The following TARBP1 variants were observed in gnomAD, a reference collection of about 807,000 sequenced individuals.
TARBP1 encodes the protein tRNA (guanosine(18)-2'-O)-methyltransferase TARBP1.
Under a neutral mutation model 178.6 loss-of-function variants are expected in TARBP1, and 144 were observed. That is an observed-to-expected ratio of 0.81 (90% CI 0.70 to 0.93). The LOEUF is 0.93. TARBP1 is among the 40% of genes least tolerant of loss of function. TARBP1 has a pLI of 0.00. For missense variants in TARBP1, 2,067 were observed against 2,011.7 expected (o/e 1.03, Z -0.53); for synonymous variants, 787 against 781.0 (o/e 1.01, Z -0.13).
At position 234,460,047 on chromosome 1, in the gene TARBP1, A is replaced by G. The variant is rs551439234; in HGVS notation, c.1535+214T>C. On this transcript the variant is annotated intron_variant, in intron 7 of 29. Transcript: ENST00000040877. ...AATTCAACAGCACATACTTCAGTACACATTTAAACTAGTAATTTGTAAAAC... is the reference window on the plus strand; with the variant it reads ...AATTCAACAGCACATACTTCAGTACGCATTTAAACTAGTAATTTGTAAAAC... Among the ~76,000 whole-genome samples, 208 of 152,348 alleles carry G rather than the reference A, an allele frequency of 1.4e-3. 1 individual carries two copies. In the Middle Eastern group the frequency reaches 0.027, roughly 20 times the overall value.
intron 19 of TARBP1, among the ~76,000 whole-genome samples, chr1:234,426,109 G>A (rs1442188365): frequency 1.3e-5 from 2 of 152,108 alleles, no homozygotes; most frequent in African/African-American, 4.8e-5. Flanking sequence ...CACAGCTCAT[G>A]AGCCTATCCC....
At position 234,448,351 on chromosome 1, in the gene TARBP1, T is replaced by C. The variant is rs1440928413; in HGVS notation, c.1961+129A>G. On this transcript the variant is annotated intron_variant, in intron 11 of 29. Coordinates refer to ENST00000040877, the MANE Select transcript of TARBP1 (RefSeq NM_005646.4). ...TTTAAACATTTCTTCAGTATACTGT[T>C]AATGTTCTAGTACCTTCCTTGACAC... 5 of 698,732 alleles carry C rather than the reference T, an allele frequency of 7.2e-6. No homozygotes were observed. In the African/African-American group the frequency reaches 8.9e-5, roughly 12 times the overall value. 43.3% of individuals were successfully genotyped at this position (698,732 alleles called of 1,614,324 possible). A position where few individuals can be genotyped will look rare whatever the true frequency, so the allele number is the denominator to read the frequency against.
In TARBP1 at chr1:234,392,521, T is replaced by G; in HGVS notation, c.4592A>C (p.Gln1531Pro). 1 of 1,614,096 alleles carries G rather than the reference T, an allele frequency of 6.2e-7. No individual in the cohort carries two copies. The highest frequency in any genetic ancestry group is 8.5e-7 in the Non-Finnish European group (1 of 1,179,956). The change falls in exon 29 of 30, where the codon CAG (glutamine) becomes CCG (proline). Residue 1531 changes from glutamine (Q) to proline (P), a missense_variant. Gln to Pro is a moderately conservative substitution (Grantham distance 76, BLOSUM62 -1). Coordinates refer to ENST00000040877, the MANE Select transcript of TARBP1 (RefSeq NM_005646.4). ...GGTATAACCTTCTGTTTTCTTCTGCTGCAGATAATCAATTAGCTGAGGTGG... is the reference window on the plus strand; with the variant it reads ...GGTATAACCTTCTGTTTTCTTCTGCGGCAGATAATCAATTAGCTGAGGTGG... ...VKPPQLIDYL[Q>P]QKKTEGYTII...
intron 13 of TARBP1, 29 bp from the exon 14 acceptor site, chr1:234,433,600 TAC>T: frequency 6.3e-7 from 1 of 1,584,426 alleles, no homozygotes; most frequent in Non-Finnish European, 8.5e-7. Flanking sequence ...CACTTAAGGG[TAC>T]AAGCAAGGTC....
At chr1:234,402,067 G>A (rs1660727135) in intron 24 of TARBP1, among the ~76,000 whole-genome samples, 2 of 151,926 alleles carry the variant, frequency 1.3e-5, no homozygotes, top group Non-Finnish European at 2.9e-5. Context: ...CTTTCCTTCA[G>A]CCTTTTCAAA....
chr1:234,475,657 C>T (rs976707605), intron 1 of TARBP1, among the ~76,000 whole-genome samples: 5 of 152,212 alleles, frequency 3.3e-5, no homozygotes, highest in African/African-American at 9.6e-5. Flanking sequence ...GGAATGCTGA[C>T]GCTCAGACAC....
chr1:234,453,758 A>C (rs1216831407), intron 9 of TARBP1, among the ~76,000 whole-genome samples: 1 of 152,190 alleles, frequency 6.6e-6, no homozygotes, highest in Non-Finnish European at 1.5e-5. Flanking sequence ...TCAAACAAAA[A>C]AAGAATTGAA....
intron 23 of TARBP1, 100 bp from the exon 24 acceptor site, chr1:234,406,199 T>A: frequency 1.8e-6 from 2 of 1,085,432 alleles, no homozygotes; most frequent in Non-Finnish European, 2.6e-6. Context: ...CAACTGCTCC[T>A]AGTAAAACTT....
intron 2 of TARBP1, among the ~76,000 whole-genome samples, chr1:234,471,647 C>T (rs985474108): frequency 2.0e-5 from 3 of 152,212 alleles, no homozygotes; most frequent in Admixed American, 6.5e-5. Context: ...ACGGCCAGTT[C>T]GGAGTTCCAT....
chr1:234,464,655 CAG>C (rs1244428244), intron 5 of TARBP1, among the ~76,000 whole-genome samples: 1 of 152,128 alleles, frequency 6.6e-6, no homozygotes, highest in Non-Finnish European at 1.5e-5. Flanking sequence ...TATTATTAAA[CAG>C]GACTAAATAT....
intron 20 of TARBP1, 25 bp downstream of exon 20, chr1:234,425,648 A>G (rs1558186227): frequency 6.2e-7 from 1 of 1,603,732 alleles, no homozygotes; most frequent in Non-Finnish European, 8.5e-7. Flanking sequence ...AAAAACAAAG[A>G]TAATTTAAAG....
At chr1:234,423,953 C>T (rs1380732803) in intron 20 of TARBP1, among the ~76,000 whole-genome samples, 1 of 151,972 alleles carries the variant, frequency 6.6e-6, no homozygotes, top group Admixed American at 6.6e-5. Context: ...GATAGAATAC[C>T]CATACCCAGC....
intron 12 of TARBP1, among the ~76,000 whole-genome samples, chr1:234,440,619 A>C (rs907929611): frequency 6.6e-6 from 1 of 152,182 alleles, no homozygotes; most frequent in African/African-American, 2.4e-5. Flanking sequence ...AGATGACATG[A>C]TTATCTACAA....
At chr1:234,456,768 C>T (rs1667327892) in intron 9 of TARBP1, among the ~76,000 whole-genome samples, 1 of 152,064 alleles carries the variant, frequency 6.6e-6, no homozygotes, top group African/African-American at 2.4e-5. Context: ...GAACTAAAAA[C>T]TAAACCAAAA....
At chr1:234,428,452 C>T (rs1193218877) in intron 17 of TARBP1, among the ~76,000 whole-genome samples, 1 of 152,184 alleles carries the variant, frequency 6.6e-6, no homozygotes, top group Non-Finnish European at 1.5e-5. Flanking sequence ...CCAACTCCTA[C>T]TCAACCGAGC....
intron 1 of TARBP1, among the ~76,000 whole-genome samples, chr1:234,474,410 G>C (rs1348177501): frequency 6.6e-6 from 1 of 152,000 alleles, no homozygotes; most frequent in Admixed American, 6.6e-5. Context: ...AACAGAAAGG[G>C]ACGAAATAAT....
intron 24 of TARBP1, 112 bp downstream of exon 24, chr1:234,405,791 A>G (rs1250885890): frequency 2.0e-6 from 2 of 1,019,556 alleles, no homozygotes; most frequent in Non-Finnish European, 2.9e-6. Context: ...ATGCTCCAGG[A>G]CGGCAGCATG....
chr1:234,422,125 T>C lies in TARBP1; in HGVS notation c.3445-1313A>G, dbSNP rs534610232. Among the ~76,000 whole-genome samples the C allele has an allele frequency of 5.9e-5, 9 of 152,306 alleles. No individual in the cohort carries two copies. The South Asian group carries it at 1.9e-3, about 32-fold the overall frequency. ...ATCAGTAGGGTGGATCATTCACGCA[T>C]TCAGAAGAAGCATCTTCATGTCAAG... is the stretch of plus-strand genomic sequence containing the variant. On this transcript the variant is annotated intron_variant, in intron 20 of 29. Coordinates refer to ENST00000040877, the MANE Select transcript of TARBP1 (RefSeq NM_005646.4).
At chr1:234,429,723 C>T in intron 15 of TARBP1, 46 bp from the exon 16 acceptor site, 2 of 1,538,120 alleles carry the variant, frequency 1.3e-6, no homozygotes, top group Non-Finnish European at 8.7e-7. Context: ...CCCAATTTGC[C>T]TCCACGTCTT....
Sources: gnomAD v4.1 joint callset for allele counts (sites outside exome capture counted in the v4.1 genomes callset) on GRCh38, gnomAD v4.1.1 for gene constraint, MANE v1.5 for transcripts, NCBI Gene and HGNC (gene_info 2026-07-23, HGNC 2026-07-21) for gene names.